ABCA13: variants seen among roughly 807,000 people sequenced by gnomAD.
ABCA13 encodes ATP binding cassette subfamily A member 13.
In ABCA13, 476 loss-of-function variants were observed where a neutral mutation model predicts 478.7. That is an observed-to-expected ratio of 0.99 (90% CI 0.92 to 1.07). The LOEUF is 1.07. ABCA13 is among the 50% of genes least tolerant of loss of function. The pLI, the probability that ABCA13 is intolerant of heterozygous loss-of-function variation, is 0.00. For synonymous variants in ABCA13, 2,252 were observed against 2,158.9 expected, an observed-to-expected ratio of 1.04 and a Z score of -1.20; for missense variants, 6,060 against 5,910.6, an observed-to-expected ratio of 1.03 and a Z score of -0.83.
chr7:48,487,811 T>G (rs1292620364), intron 47 of ABCA13, among the ~76,000 whole-genome samples: 2 of 152,266 alleles, frequency 1.3e-5, no homozygotes, highest in East Asian at 3.9e-4. Context: ...CAGGGTGGCA[T>G]GGGGGAGACC....
chr7:48,517,012 C>A (rs375097236), intron 52 of ABCA13, 131 bp downstream of exon 52: 5 of 1,018,150 alleles, frequency 4.9e-6, no homozygotes, highest in Non-Finnish European at 7.0e-6. Flanking sequence ...TGTCTTTAAA[C>A]TCCAGAGAGA....
intron 1 of ABCA13, among the ~76,000 whole-genome samples, chr7:48,177,989 A>C (rs539346884): frequency 1.4e-4 from 21 of 152,308 alleles, no homozygotes; most frequent in Admixed American, 1.4e-3. Flanking sequence ...ATCTAGGAAA[A>C]GCAGTTCAGA....
intron 34 of ABCA13, 133 bp downstream of exon 34, chr7:48,374,549 C>T (rs1585061146): frequency 4.9e-6 from 4 of 814,198 alleles, no homozygotes; most frequent in East Asian, 5.7e-5. Context: ...TGGATATTTG[C>T]TTTCACTGTT....
intron 42 of ABCA13, among the ~76,000 whole-genome samples, chr7:48,446,601 T>C (rs967623162): frequency 6.6e-6 from 1 of 152,172 alleles, no homozygotes; most frequent in Non-Finnish European, 1.5e-5. Flanking sequence ...GTCTGCAACC[T>C]CTCCTTTGCT....
At chr7:48,338,680 C>G (rs1428955413) in intron 29 of ABCA13, among the ~76,000 whole-genome samples, 1 of 152,172 alleles carries the variant, frequency 6.6e-6, no homozygotes, top group Non-Finnish European at 1.5e-5. Flanking sequence ...CAGGACTTAA[C>G]TAGTAAAGAA....
chr7:48,577,195 TG>T (rs1788264281), intron 55 of ABCA13, among the ~76,000 whole-genome samples: 1 of 151,566 alleles, frequency 6.6e-6, no homozygotes, highest in South Asian at 2.1e-4. Flanking sequence ...CAAATTAAAT[TG>T]AAAGTAAGTA....
rs762752641 is a variant in ABCA13 at position 48,511,091 on chromosome 7, A to G, written c.13532A>G (p.Tyr4511Cys). 4 of 1,613,206 alleles carry G rather than the reference A, an allele frequency of 2.5e-6. No individual in the cohort carries two copies. Among genetic ancestry groups the G allele is most frequent in the Non-Finnish European group, 3.4e-6 (4 of 1,179,286 alleles). ...FTNFLYDMLF[Y>C]LVSVCLCVAV... ...TTCTTTTTATCTTCTCAGCTCTTTTACTTGGTTTCCGTCTGCCTGTGTGTT... is the reference window on the plus strand; with the variant it reads ...TTCTTTTTATCTTCTCAGCTCTTTTGCTTGGTTTCCGTCTGCCTGTGTGTT... The change falls in exon 51 of 62, where the codon TAC (tyrosine) becomes TGC (cysteine). Residue 4511 changes from tyrosine (Y) to cysteine (C), a missense_variant. Tyr to Cys is a radical substitution (Grantham distance 194, BLOSUM62 -2). Transcript: ENST00000435803.
chr7:48,192,991 T>A lies in ABCA13; in HGVS notation c.102T>A (p.Cys34Ter), dbSNP rs1170797310. 2 of 1,535,450 alleles carry A rather than the reference T, an allele frequency of 1.3e-6. No homozygotes were observed. Among genetic ancestry groups the A allele is most frequent in the Admixed American group, 3.9e-5 (2 of 50,840 alleles). Reference sequence around the variant, plus strand: ...TCCTTGCTGAATTCTTCTGGCCTTGTATCCTGTTTGTAATTCTGACAGTTC... The same window carrying A: ...TCCTTGCTGAATTCTTCTGGCCTTGAATCCTGTTTGTAATTCTGACAGTTC... Reference protein sequence around the residue: ...VLFLAEFFWPCILFVILTVLR... With the variant: ...VLFLAEFFWP Residue 34 changes from cysteine to a stop codon, truncating the protein, a stop_gained, in exon 2 of 62, where the codon TGT becomes TGA. Coordinates refer to ENST00000435803, the MANE Select transcript of ABCA13 (RefSeq NM_152701.5). LOFTEE classifies it high-confidence loss of function.
At chr7:48,532,341 ATGAAACACATT>A (rs1833296215) in intron 55 of ABCA13, among the ~76,000 whole-genome samples, 2 of 152,162 alleles carry the variant, frequency 1.3e-5, no homozygotes. Flanking sequence ...CATCCCTGGT[ATGAAACACATT>A]TGATCATGGT....
At chr7:48,475,534 C>T (rs960575062) in intron 45 of ABCA13, among the ~76,000 whole-genome samples, 18 of 132,368 alleles carry the variant, frequency 1.4e-4, no homozygotes, top group African/African-American at 4.4e-4. Flanking sequence ...GGCGTGATCT[C>T]GACTCACTGC....
chr7:48,335,332 G>T (rs1042489075), intron 27 of ABCA13, 90 bp from the exon 28 acceptor site: 5 of 850,848 alleles, frequency 5.9e-6, no homozygotes, highest in Admixed American at 3.1e-5. Context: ...CTTTGCTCTG[G>T]TGGCCACATC....
intron 19 of ABCA13, among the ~76,000 whole-genome samples, chr7:48,287,617 A>G (rs1797944119): frequency 6.6e-6 from 1 of 152,222 alleles, no homozygotes; most frequent in African/African-American, 2.4e-5. Flanking sequence ...GGCACTGTTC[A>G]TAACCATGCA....
In ABCA13 at chr7:48,335,517, G is replaced by T; in HGVS notation, c.10095G>T (p.Gln3365His). Residue 3365 changes from glutamine to histidine, a missense_variant, in exon 28 of 62, where the codon CAG becomes CAT. By Grantham distance (24) the Gln-to-His change is conservative. This residue lies in a region of ABCA13 where 4,423 missense variants were observed against 4,309.1 expected (regional missense o/e 1.03). Coordinates refer to ENST00000435803, the MANE Select transcript of ABCA13 (RefSeq NM_152701.5). ...SSLFQRSGSG[Q>H]MFNQLQEALR... ...TTTTCCAGAGAAGTGGAAGTGGCCA[G>T]ATGTTCAACCAGCTGCAGGTGAGTG... The T allele has an allele frequency of 6.2e-7, 1 of 1,613,708 alleles. No individual in the cohort carries two copies. Among genetic ancestry groups the T allele is most frequent in the Non-Finnish European group, 8.5e-7 (1 of 1,179,694 alleles).
At chr7:48,429,819 A>G (rs1209776947) in intron 42 of ABCA13, among the ~76,000 whole-genome samples, 2 of 152,110 alleles carry the variant, frequency 1.3e-5, no homozygotes, top group African/African-American at 4.8e-5. Context: ...TGAGATGATC[A>G]TTTGTTTTTT....
intron 15 of ABCA13, among the ~76,000 whole-genome samples, chr7:48,264,294 T>G (rs1794588190): frequency 6.6e-6 from 1 of 151,918 alleles, no homozygotes; most frequent in African/African-American, 2.4e-5. Flanking sequence ...TACTTTCTTT[T>G]CCTTAAAATT....
At chr7:48,428,056 GAAA>G (rs34529024) in intron 42 of ABCA13, among the ~76,000 whole-genome samples, 185 bp downstream of exon 42, 4 of 147,120 alleles carry the variant, frequency 2.7e-5, no homozygotes, top group African/African-American at 5.0e-5. Flanking sequence ...ATCCTGGCTT[GAAA>G]AAAAAAAACT....
intron 31 of ABCA13, among the ~76,000 whole-genome samples, chr7:48,358,667 T>C (rs916464057): frequency 5.9e-5 from 9 of 152,050 alleles, no homozygotes; most frequent in Non-Finnish European, 1.3e-4. Flanking sequence ...TATGCAGTTC[T>C]TGAGGTCTAG....
intron 23 of ABCA13, among the ~76,000 whole-genome samples, chr7:48,306,851 A>G (rs1800974145): frequency 6.6e-6 from 1 of 152,222 alleles, no homozygotes; most frequent in African/African-American, 2.4e-5. Context: ...CTATGCGGGT[A>G]TTTTTTAGAT....
At chr7:48,430,698 G>A (rs1822033240) in intron 42 of ABCA13, among the ~76,000 whole-genome samples, 2 of 146,872 alleles carry the variant, frequency 1.4e-5, no homozygotes, top group South Asian at 4.3e-4. Flanking sequence ...AAAGCCTGTA[G>A]TGATGTTTCA....
Sources: allele counts gnomAD v4.1 joint callset (sites outside exome capture counted in the v4.1 genomes callset), GRCh38; gene constraint gnomAD v4.1.1; regional missense constraint gnomAD v4.1.1; transcripts MANE v1.5; gene names NCBI Gene and HGNC (gene_info 2026-07-23, HGNC 2026-07-21).